The following NKAIN3 variants were observed in gnomAD, a reference collection of about 807,000 sequenced individuals.
NKAIN3 encodes the protein sodium/potassium transporting ATPase interacting 3.
NKAIN3 carries 25 observed loss-of-function variants against 30.2 expected under a neutral mutation model. That is an observed-to-expected ratio of 0.83 (90% CI 0.60 to 1.16). NKAIN3 has a LOEUF of 1.16. Among genes scored for constraint, NKAIN3 ranks in the 50% most tolerant of loss-of-function variants. NKAIN3 has a pLI of 0.00. For missense variants in NKAIN3, 225 were observed against 254.1 expected, an observed-to-expected ratio of 0.89 and a Z score of 0.78; for synonymous variants, 91 against 89.6, an observed-to-expected ratio of 1.02 and a Z score of -0.09.
intron 4 of NKAIN3, among the ~76,000 whole-genome samples, chr8:62,774,876 T>G (rs1048342472): frequency 6.6e-6 from 1 of 152,182 alleles, no homozygotes; most frequent in Non-Finnish European, 1.5e-5. Flanking sequence ...TTTATTGATA[T>G]GTTTTTGCCT....
chr8:62,578,222 A>G (rs1226112294), intron 1 of NKAIN3, among the ~76,000 whole-genome samples: 1 of 152,168 alleles, frequency 6.6e-6, no homozygotes, highest in African/African-American at 2.4e-5. Flanking sequence ...CTGTTAGAAC[A>G]TAATAATGGC....
At chr8:62,831,417 C>A (rs1369069805) in intron 4 of NKAIN3, among the ~76,000 whole-genome samples, 9 of 151,958 alleles carry the variant, frequency 5.9e-5, no homozygotes, top group Admixed American at 3.3e-4. Context: ...ATGAATAATT[C>A]AAAGCATGGA....
At chr8:62,506,728 C>T (rs533906865) in intron 1 of NKAIN3, among the ~76,000 whole-genome samples, 1 of 152,178 alleles carries the variant, frequency 6.6e-6, no homozygotes, top group South Asian at 2.1e-4. Context: ...TCACCTCAGC[C>T]TCCCAGAGTG....
intron 3 of NKAIN3, among the ~76,000 whole-genome samples, chr8:62,735,195 T>A (rs1815608079): frequency 1.3e-5 from 2 of 152,202 alleles, no homozygotes; most frequent in Non-Finnish European, 2.9e-5. Context: ...TCAAATATGT[T>A]TTCCACACCT....
At chr8:62,610,528 G>A (rs537170982) in intron 3 of NKAIN3, among the ~76,000 whole-genome samples, 40 of 152,162 alleles carry the variant, frequency 2.6e-4, no homozygotes, top group Non-Finnish European at 4.7e-4. Flanking sequence ...TCTGACACAT[G>A]TGCTATTGTC....
intron 3 of NKAIN3, among the ~76,000 whole-genome samples, chr8:62,594,557 G>A (rs554431815): frequency 6.6e-6 from 1 of 152,008 alleles, no homozygotes; most frequent in South Asian, 2.1e-4. Flanking sequence ...ATCTACAAAG[G>A]CCCAACCAAA....
chr8:62,891,500 T>C (rs1821294063), intron 4 of NKAIN3, among the ~76,000 whole-genome samples: 1 of 152,216 alleles, frequency 6.6e-6, no homozygotes, highest in Non-Finnish European at 1.5e-5. Context: ...ATTGTGATCA[T>C]GTGAGTCAAT....
intron 5 of NKAIN3, among the ~76,000 whole-genome samples, chr8:62,925,141 A>G (rs1326162633): frequency 6.6e-6 from 1 of 152,140 alleles, no homozygotes. Context: ...GTGTCTCTGA[A>G]TCTGCACTCA....
intron 1 of NKAIN3, among the ~76,000 whole-genome samples, chr8:62,564,644 A>G (rs2129992274): frequency 6.6e-6 from 1 of 152,292 alleles, no homozygotes; most frequent in East Asian, 1.9e-4. Context: ...CAGTAGGTCT[A>G]GGCCAGCATT....
intron 1 of NKAIN3, among the ~76,000 whole-genome samples, chr8:62,478,915 G>A (rs1057122342): frequency 3.9e-5 from 6 of 152,142 alleles, no homozygotes; most frequent in Non-Finnish European, 7.4e-5. Context: ...ACACCAAGGA[G>A]GTTCTCGCAA....
intron 3 of NKAIN3, among the ~76,000 whole-genome samples, chr8:62,731,035 AG>A (rs1815446878): frequency 6.6e-6 from 1 of 152,046 alleles, no homozygotes; most frequent in Non-Finnish European, 1.5e-5. Context: ...ACTTTGTAAA[AG>A]TTTTCAGGCT....
chr8:62,616,064 A>T (rs79907783), intron 3 of NKAIN3, among the ~76,000 whole-genome samples: 1 of 152,082 alleles, frequency 6.6e-6, no homozygotes, highest in Admixed American at 6.6e-5. Context: ...CTCTCCTGAA[A>T]TTCTTCTAAT....
chr8:62,434,558 A>G (rs1207750861), intron 1 of NKAIN3, among the ~76,000 whole-genome samples: 4 of 152,150 alleles, frequency 2.6e-5, no homozygotes, highest in Admixed American at 2.6e-4. Context: ...AAATTTTAGG[A>G]AAAGACTGCT....
intron 1 of NKAIN3, among the ~76,000 whole-genome samples, chr8:62,377,378 T>G (rs1817121673): frequency 6.6e-6 from 1 of 152,208 alleles, no homozygotes; most frequent in Non-Finnish European, 1.5e-5. Context: ...AATTAAAGTC[T>G]TATTTTTCTT....
rs1804088582 is a variant in NKAIN3, at chr8:62,406,912, C to G, written c.54+157785C>G. 2.0e-5 allele frequency among the ~76,000 whole-genome samples: 3 copies of G among 152,110 alleles called. No individual in the cohort carries two copies. The South Asian group carries it at 6.2e-4, about 31-fold the overall frequency. On this transcript the variant is annotated intron_variant, in intron 1 of 6. Transcript: ENST00000623646. Reference sequence around the variant, plus strand: ...ATATTCATTTAGAATAAGTTTCAAGCAATGTTTCAATTTGTTTCAGTTGTA... The same window carrying G: ...ATATTCATTTAGAATAAGTTTCAAGGAATGTTTCAATTTGTTTCAGTTGTA...
chr8:62,536,416 C>A (rs1808664659), intron 1 of NKAIN3, among the ~76,000 whole-genome samples: 1 of 152,060 alleles, frequency 6.6e-6, no homozygotes, highest in African/African-American at 2.4e-5. Context: ...ATTAGTTTAA[C>A]AATAATGTTA....
intron 1 of NKAIN3, among the ~76,000 whole-genome samples, chr8:62,270,406 G>A (rs1812743992): frequency 6.6e-6 from 1 of 151,908 alleles, no homozygotes; most frequent in African/African-American, 2.4e-5. Flanking sequence ...TGTACTTTCA[G>A]CTCATATGCA....
chr8:62,883,406 G>A (rs190184883), intron 4 of NKAIN3, among the ~76,000 whole-genome samples: 60 of 133,766 alleles, frequency 4.5e-4, no homozygotes, highest in Non-Finnish European at 8.2e-4. Context: ...TATGTTAACT[G>A]CTTATCTGCA....
At chr8:62,660,987 A>G (rs961870318) in intron 3 of NKAIN3, among the ~76,000 whole-genome samples, 1 of 152,210 alleles carries the variant, frequency 6.6e-6, no homozygotes, top group Non-Finnish European at 1.5e-5. Context: ...CCACTGCAGA[A>G]TGGCAGGGGT....
Sources: gnomAD v4.1 joint callset for allele counts (sites outside exome capture counted in the v4.1 genomes callset) on GRCh38, gnomAD v4.1.1 for gene constraint, MANE v1.5 for transcripts, NCBI Gene and HGNC (gene_info 2026-07-23, HGNC 2026-07-21) for gene names.